METTL4: variants seen among roughly 807,000 people sequenced by gnomAD.
METTL4 encodes the protein N(6)-adenine-specific methyltransferase METTL4.
In METTL4, 40 loss-of-function variants were observed where a neutral mutation model predicts 54.0. The observed-to-expected ratio is 0.74, with a 90% confidence interval of 0.58 to 0.96. The LOEUF is 0.96. Ranked by LOEUF, METTL4 falls within the 50% of genes least tolerant of loss-of-function variation. The pLI, the probability that METTL4 is intolerant of heterozygous loss-of-function variation, is 0.00. For synonymous variants in METTL4, 169 were observed against 183.8 expected (o/e 0.92, Z 0.65); for missense variants, 525 against 549.0 (o/e 0.96, Z 0.44).
rs189311983 is a variant in METTL4 at position 2,556,216 on chromosome 18, T to C, written c.460-1178A>G. Among the ~76,000 whole-genome samples, 118 of 152,182 alleles carry C rather than the reference T, an allele frequency of 7.8e-4. 1 individual carries two copies. Among genetic ancestry groups the C allele is most frequent in the African/African-American group, 2.7e-3 (111 of 41,502 alleles). ...GGGCTCACCCAGGGCTGAGAATAGT[T>C]AGTGCTCCCCAATGCCAAAATGGAA... On this transcript the variant is annotated intron_variant, in intron 3 of 8. Coordinates refer to ENST00000574538, the MANE Select transcript of METTL4 (RefSeq NM_022840.5).
At chr18:2,551,135 G>A (rs1268349123) in intron 5 of METTL4, among the ~76,000 whole-genome samples, 6 of 132,696 alleles carry the variant, frequency 4.5e-5, no homozygotes, top group Non-Finnish European at 9.2e-5. Context: ...CTGCACTCCA[G>A]CCTGGGCGAC....
intron 6 of METTL4, among the ~76,000 whole-genome samples, 185 bp downstream of exon 6, chr18:2,547,170 A>G (rs2072081887): frequency 6.6e-6 from 1 of 152,216 alleles, no homozygotes; most frequent in African/African-American, 2.4e-5. Flanking sequence ...CATTACAAAA[A>G]GACATACAAA....
In METTL4 at chr18:2,544,279, C is replaced by T. The variant is rs1046783803; in HGVS notation, c.1189G>A (p.Asp397Asn). ...EKTALPLRNA[D>N]VNVLPIPDHK... ...TCTGGAATGGGGAGCACGTTTACAT[C>T]TGCATTCCTAATTAAACAGAACAAG... The change falls in exon 8 of 9, where the codon GAT becomes AAT. Residue 397 changes from aspartate (D) to asparagine (N), a missense_variant. Coordinates refer to ENST00000574538, the MANE Select transcript of METTL4 (RefSeq NM_022840.5). 4 of 1,610,508 alleles carry T rather than the reference C, an allele frequency of 2.5e-6. No homozygotes were observed. The highest frequency in any genetic ancestry group is 3.4e-6 in the Non-Finnish European group (4 of 1,178,130).
At position 2,538,889 on chromosome 18, in the gene METTL4, T is replaced by C. The variant is rs1598338451; in HGVS notation, c.*111A>G. 8.2e-7 allele frequency: 1 copy of C among 1,219,914 alleles called. No homozygotes were observed. Among genetic ancestry groups the C allele is most frequent in the East Asian group, 2.3e-5 (1 of 42,654 alleles). 75.6% of individuals were successfully genotyped at this position (1,219,914 alleles called of 1,614,324 possible). On this transcript the variant is annotated 3_prime_UTR_variant, in exon 9 of 9. Transcript: ENST00000574538. ...GTCCCTTACTGAAAAAAACAAGTCC[T>C]GTTTATATTCTAAGAATATGGGTTG...
rs148315264 is a variant in METTL4, at chr18:2,552,440, C to G, written c.899+255G>C. 9.3e-3 allele frequency among the ~76,000 whole-genome samples: 1,410 copies of G among 152,144 alleles called. 28 individuals are homozygous for G. The highest frequency in any genetic ancestry group is 0.032 in the African/African-American group (1,329 of 41,516). On this transcript the variant is annotated intron_variant, in intron 5 of 8. Coordinates refer to ENST00000574538, the MANE Select transcript of METTL4 (RefSeq NM_022840.5). ...TATCAAAGAAGACAAATATGTTGTCCTTTGGTGTTAACAGAAACAGCCCTG... is the reference window on the plus strand; with the variant it reads ...TATCAAAGAAGACAAATATGTTGTCGTTTGGTGTTAACAGAAACAGCCCTG...
intron 6 of METTL4, 86 bp downstream of exon 6, chr18:2,547,269 G>T (rs1171300306): frequency 1.9e-6 from 2 of 1,077,860 alleles, no homozygotes; most frequent in African/African-American, 1.6e-5. Flanking sequence ...GTACAGCAGT[G>T]ACATGTTGAG....
chr18:2,558,781 A>G (rs1248079292), intron 3 of METTL4, among the ~76,000 whole-genome samples: 1 of 152,014 alleles, frequency 6.6e-6, no homozygotes, highest in East Asian at 1.9e-4. Flanking sequence ...ACTCAACAAG[A>G]AAAAAAACAA....
In METTL4 at chr18:2,563,652, A is replaced by G. The variant is rs535828284; in HGVS notation, c.459+145T>C. ...ACTGGTTTAAACTGTGCATTACTAT[A>G]AAATTAACAATAAATATATTAAGTG... On this transcript the variant is annotated intron_variant, in intron 3 of 8. Transcript: ENST00000574538. The G allele has an allele frequency of 1.0e-3, 528 of 513,480 alleles. 1 individual carries two copies. The highest frequency in any genetic ancestry group is 1.5e-3 in the Non-Finnish European group (437 of 299,914). 31.8% of individuals were successfully genotyped at this position (513,480 alleles called of 1,614,324 possible). A position where few individuals can be genotyped will look rare whatever the true frequency, so the allele number is the denominator to read the frequency against.
intron 5 of METTL4, among the ~76,000 whole-genome samples, chr18:2,547,835 A>G (rs866790869): frequency 1.3e-5 from 2 of 152,116 alleles, no homozygotes; most frequent in Admixed American, 6.5e-5. Flanking sequence ...AATTAAGCAA[A>G]TATTGTTGTT....
intron 6 of METTL4, 39 bp from the exon 7 acceptor site, chr18:2,544,798 C>A (rs750447928): frequency 1.3e-4 from 181 of 1,375,858 alleles, no homozygotes; most frequent in Non-Finnish European, 1.9e-4. Flanking sequence ...TTATTTTTTC[C>A]CATCACTATA....
At chr18:2,557,046 G>C (rs1292584745) in intron 3 of METTL4, among the ~76,000 whole-genome samples, 2 of 152,118 alleles carry the variant, frequency 1.3e-5, no homozygotes, top group Non-Finnish European at 2.9e-5. Context: ...GAAATCGATA[G>C]CCCCAGCAAA....
chr18:2,541,343 G>A (rs768822212), intron 8 of METTL4, among the ~76,000 whole-genome samples: 4 of 152,118 alleles, frequency 2.6e-5, no homozygotes, highest in Admixed American at 6.5e-5. Context: ...CTAATGGAGC[G>A]GATGCAATCT....
intron 3 of METTL4, among the ~76,000 whole-genome samples, chr18:2,560,894 T>C (rs576190353): frequency 6.6e-6 from 1 of 151,978 alleles, no homozygotes; most frequent in Non-Finnish European, 1.5e-5. Context: ...GAAAATCCAG[T>C]AGAACATTTT....
chr18:2,551,542 G>A (rs2072160768), intron 5 of METTL4, among the ~76,000 whole-genome samples: 1 of 151,846 alleles, frequency 6.6e-6, no homozygotes, highest in East Asian at 1.9e-4. Context: ...CAAAAAAAAT[G>A]TTTAAATAGC....
intron 8 of METTL4, among the ~76,000 whole-genome samples, chr18:2,541,096 T>G (rs1159399784): frequency 6.6e-6 from 1 of 152,236 alleles, no homozygotes; most frequent in East Asian, 1.9e-4. Context: ...TTTTGCATGG[T>G]TCTTTTCCTT....
At chr18:2,549,919 A>G (rs981118689) in intron 5 of METTL4, among the ~76,000 whole-genome samples, 2 of 151,594 alleles carry the variant, frequency 1.3e-5, no homozygotes, top group Non-Finnish European at 2.9e-5. Context: ...ACCTGAACCC[A>G]GGAGGTGAAG....
At chr18:2,552,066 G>C (rs760515951) in intron 5 of METTL4, among the ~76,000 whole-genome samples, 1 of 151,962 alleles carries the variant, frequency 6.6e-6, no homozygotes, top group African/African-American at 2.4e-5. Flanking sequence ...GGTGGCGTGC[G>C]CCTGTACTCC....
chr18:2,539,810 CA>C (rs1455999611), intron 8 of METTL4: 4 of 939,208 alleles, frequency 4.3e-6, no homozygotes, highest in Non-Finnish European at 5.0e-6. Flanking sequence ...ATAACCCATA[CA>C]TGAAAAAGAG....
At chr18:2,545,970 G>T (rs1325422910) in intron 6 of METTL4, among the ~76,000 whole-genome samples, 1 of 151,904 alleles carries the variant, frequency 6.6e-6, no homozygotes, top group African/African-American at 2.4e-5. Flanking sequence ...CATTTTACTG[G>T]GTTTGATTTC....
Sources: gnomAD v4.1 joint callset for allele counts (sites outside exome capture counted in the v4.1 genomes callset) on GRCh38, gnomAD v4.1.1 for gene constraint, MANE v1.5 for transcripts, NCBI Gene and HGNC (gene_info 2026-07-23, HGNC 2026-07-21) for gene names.